Variants in HSF2 observed in about 807,000 individuals in gnomAD.
HSF2 encodes the protein heat shock factor protein 2.
HSF2 carries 21 observed loss-of-function variants against 65.0 expected under a neutral mutation model. The ratio of observed to expected loss-of-function variants is 0.32; its 90% CI spans 0.23 to 0.47. The LOEUF is 0.47. Among genes scored for constraint, HSF2 ranks in the 20% least tolerant of loss-of-function variants. The pLI, the probability that HSF2 is intolerant of heterozygous loss-of-function variation, is 1.00. For synonymous variants in HSF2, 225 were observed against 219.1 expected, an observed-to-expected ratio of 1.03 and a Z score of -0.24; for missense variants, 499 against 628.1, an observed-to-expected ratio of 0.79 and a Z score of 2.20.
chr6:122,407,765 C>T (rs9375131), intron 1 of HSF2, among the ~76,000 whole-genome samples: 17,137 of 152,096 alleles, frequency 0.11, 1,231 homozygotes, highest in East Asian at 0.21. Flanking sequence ...GTCACAAGTA[C>T]GTGTAGATAT....
At chr6:122,405,221 GC>G (rs748179429) in intron 1 of HSF2, among the ~76,000 whole-genome samples, 14 of 149,532 alleles carry the variant, frequency 9.4e-5, no homozygotes, top group Non-Finnish European at 1.6e-4. Flanking sequence ...GGAGTTTGAG[GC>G]TAGCTTGGGC....
rs747062692 is a variant in HSF2 at position 122,420,195 on chromosome 6, A to G, written c.654A>G (p.Lys218=). 4.4e-6 allele frequency: 7 copies of G among 1,603,728 alleles called. No individual in the cohort carries two copies. In the East Asian group the frequency reaches 1.6e-4, roughly 36 times the overall value. ...AGAACCTGTTTCAGCACATAGTCAA[A>G]GAACCAACTGATAATCATCATCATA... ...QKKNLFQHIV[K]EPTDNHHHKV... The change falls in exon 7 of 13, where the codon AAA becomes AAG. Residue 218 remains lysine, a synonymous_variant. Coordinates refer to ENST00000368455, the MANE Select transcript of HSF2 (RefSeq NM_004506.4).
At chr6:122,407,688 G>A (rs1325453899) in intron 1 of HSF2, among the ~76,000 whole-genome samples, 1 of 151,658 alleles carries the variant, frequency 6.6e-6, no homozygotes, top group African/African-American at 2.4e-5. Context: ...TTACATTTTA[G>A]TTGTCTAGCA....
rs1291279709 is a variant in HSF2, at chr6:122,422,163, G to A, written c.695G>A (p.Arg232Lys). ...DNHHHKVPHS[R>K]TEGLKPRERI... ...CTGAATTTTTAGGTTCCACACAGTA[G>A]GACTGAAGGTTTAAAGCCAAGGGAG... The change falls in exon 8 of 13, where the codon AGG (arginine) becomes AAG (lysine). Residue 232 changes from arginine to lysine, a missense_variant. Coordinates refer to ENST00000368455, the MANE Select transcript of HSF2 (RefSeq NM_004506.4). The A allele has an allele frequency of 6.2e-7, 1 of 1,603,348 alleles. No individual in the cohort carries two copies. The highest frequency in any genetic ancestry group is 1.1e-5 in the South Asian group (1 of 90,184).
chr6:122,424,847 T>G (rs1017867390), intron 10 of HSF2, among the ~76,000 whole-genome samples: 1 of 152,078 alleles, frequency 6.6e-6, no homozygotes, highest in Non-Finnish European at 1.5e-5. Context: ...TCTGGCCATG[T>G]TCAAATCCTT....
At chr6:122,412,278 G>T in intron 1 of HSF2, 95 bp from the exon 2 acceptor site, 1 of 738,194 alleles carries the variant, frequency 1.4e-6, no homozygotes, top group South Asian at 1.6e-5. Context: ...GGAGGGACTG[G>T]ACTACTCAAG....
Position 122,399,751 on chromosome 6 carries a change from C to A in HSF2, c.14C>A (p.Ser5Ter). 6.2e-7 allele frequency: 1 copy of A among 1,612,192 alleles called. No homozygotes were observed. The highest frequency in any genetic ancestry group is 8.5e-7 in the Non-Finnish European group (1 of 1,179,232). Residue 5 changes from serine to a stop codon, truncating the protein, a stop_gained, in exon 1 of 13, where the codon TCG (serine) becomes TAG (stop). Coordinates refer to ENST00000368455, the MANE Select transcript of HSF2 (RefSeq NM_004506.4). LOFTEE classifies it high-confidence loss of function. MKQS[S>*]NVPAFLSKLW... is the part of the protein sequence containing the mutation. Reference sequence around the variant, plus strand: ...GCCGCGTTAACAATGAAGCAGAGTTCGAACGTGCCGGCTTTCCTCAGCAAG... The same window carrying A: ...GCCGCGTTAACAATGAAGCAGAGTTAGAACGTGCCGGCTTTCCTCAGCAAG...
rs1326348563 is a variant in HSF2 at position 122,412,753 on chromosome 6, A to G, written c.319A>G (p.Ile107Val). 3 of 1,612,978 alleles carry G rather than the reference A, an allele frequency of 1.9e-6. No homozygotes were observed. The highest frequency in any genetic ancestry group is 2.5e-6 in the Non-Finnish European group (3 of 1,179,116). Residue 107 changes from isoleucine to valine, a missense_variant, in exon 3 of 13, where the codon ATT becomes GTT. Transcript: ENST00000368455. Reference protein sequence around the residue: ...KQGQDDLLENIKRKVSSSKPE... With the variant: ...KQGQDDLLENVKRKVSSSKPE... ...AGGACAGGATGACTTGTTGGAGAAC[A>G]TTAAAAGGAAGGTGAGCTATTGTGA...
At chr6:122,413,236 G>C (rs550923658) in intron 3 of HSF2, among the ~76,000 whole-genome samples, 1 of 151,940 alleles carries the variant, frequency 6.6e-6, no homozygotes, top group Non-Finnish European at 1.5e-5. Context: ...AGAGGCTTGG[G>C]GGAAATTGCA....
intron 10 of HSF2, among the ~76,000 whole-genome samples, chr6:122,425,588 A>G (rs1774321419): frequency 6.6e-6 from 1 of 152,046 alleles, no homozygotes; most frequent in Non-Finnish European, 1.5e-5. Flanking sequence ...CATTCTGTAC[A>G]ATAGAACTTT....
rs45626538 is a variant in HSF2, at chr6:122,414,792, T to C, written c.455+1143T>C. Among the ~76,000 whole-genome samples the C allele has an allele frequency of 7.9e-5, 12 of 152,236 alleles. No homozygotes were observed. The East Asian group carries it at 2.3e-3, about 29-fold the overall frequency. On this transcript the variant is annotated intron_variant, in intron 4 of 12. Transcript: ENST00000368455. ...AGGCATGTGCCAGCTAATTTTTGTA[T>C]TTTTAGTAGAGATGGGGTTTCACTG...
At chr6:122,404,880 G>A (rs1450982505) in intron 1 of HSF2, among the ~76,000 whole-genome samples, 1 of 152,168 alleles carries the variant, frequency 6.6e-6, no homozygotes, top group Non-Finnish European at 1.5e-5. Context: ...AATAAGGAGT[G>A]TATGTGAGAG....
At chr6:122,399,938 G>T (rs755018098) in intron 1 of HSF2, 108 bp downstream of exon 1, 37 of 853,222 alleles carry the variant, frequency 4.3e-5, no homozygotes, top group Non-Finnish European at 5.8e-5. Context: ...TGTCTGCGAG[G>T]CCCGCGGTGC....
upstream of HSF2, chr6:122,399,647 TG>T: frequency 2.1e-6 from 2 of 974,416 alleles, no homozygotes; most frequent in Non-Finnish European, 1.6e-6. Flanking sequence ...GCCTGCGTTG[TG>T]GGCGTTCTCG....
chr6:122,410,000 C>G (rs1773954615), intron 1 of HSF2, among the ~76,000 whole-genome samples: 1 of 151,970 alleles, frequency 6.6e-6, no homozygotes, highest in South Asian at 2.1e-4. Context: ...TCTGTCCTCT[C>G]TAGTCAGTCC....
chr6:122,427,538 G>A (rs1409609399), intron 10 of HSF2, among the ~76,000 whole-genome samples: 1 of 151,764 alleles, frequency 6.6e-6, no homozygotes, highest in Non-Finnish European at 1.5e-5. Flanking sequence ...TCAGGGCAGA[G>A]GTCTCAACCC....
intron 1 of HSF2, 136 bp from the exon 2 acceptor site, chr6:122,412,237 C>G (rs1196355417): frequency 7.0e-6 from 4 of 574,844 alleles, no homozygotes; most frequent in African/African-American, 3.8e-5. Flanking sequence ...TTCCTGTTGT[C>G]AAGAATAGAA....
intron 8 of HSF2, 98 bp from the exon 9 acceptor site, chr6:122,422,620 T>G: frequency 8.1e-7 from 1 of 1,235,726 alleles, no homozygotes. Flanking sequence ...CCTTTCAGTA[T>G]GTGGTATGGG....
At chr6:122,403,994 G>A (rs1421874383) in intron 1 of HSF2, among the ~76,000 whole-genome samples, 1 of 152,162 alleles carries the variant, frequency 6.6e-6, no homozygotes, top group East Asian at 1.9e-4. Flanking sequence ...TATAAAAGAA[G>A]GAAAGAACTG....
Sources: gnomAD v4.1 joint callset for allele counts (sites outside exome capture counted in the v4.1 genomes callset) on GRCh38, gnomAD v4.1.1 for gene constraint, MANE v1.5 for transcripts, NCBI Gene and HGNC (gene_info 2026-07-23, HGNC 2026-07-21) for gene names.